Variants in IKZF2 observed in about 807,000 individuals in gnomAD.
IKZF2 encodes IKAROS family zinc finger 2.
A neutral mutation model predicts 49.2 loss-of-function variants in IKZF2; 15 were observed. The observed-to-expected ratio is 0.30, with a 90% confidence interval of 0.20 to 0.47. IKZF2 has a LOEUF of 0.47. Among genes scored for constraint, IKZF2 ranks in the 20% least tolerant of loss-of-function variants. The probability of loss-of-function intolerance (pLI) is 1.00; values close to 1 mark genes in which losing one functional copy is unlikely to be tolerated. For synonymous variants in IKZF2, 227 were observed against 221.4 expected (o/e 1.03, Z -0.23); for missense variants, 567 against 664.6 (o/e 0.85, Z 1.61).
At chr2:213,088,632 G>A (rs73077258) in intron 4 of IKZF2, among the ~76,000 whole-genome samples, 2,145 of 152,060 alleles carry the variant, frequency 0.014, 36 homozygotes, top group African/African-American at 0.045. Context: ...AGTGGTGGGC[G>A]GCTGTAATCA....
At chr2:213,049,386 T>A (rs1226922931) in intron 6 of IKZF2, among the ~76,000 whole-genome samples, 1 of 152,124 alleles carries the variant, frequency 6.6e-6, no homozygotes, top group African/African-American at 2.4e-5. Context: ...ATACTGGATC[T>A]TCACTTATCT....
chr2:213,054,222 C>T (rs568174064), intron 5 of IKZF2, among the ~76,000 whole-genome samples: 29 of 151,770 alleles, frequency 1.9e-4, no homozygotes, highest in African/African-American at 6.0e-4. Flanking sequence ...CCAGCCTGGG[C>T]GACAGAGCAA....
intron 5 of IKZF2, among the ~76,000 whole-genome samples, chr2:213,051,185 T>C (rs1482700476): frequency 1.3e-5 from 2 of 152,022 alleles, no homozygotes; most frequent in African/African-American, 4.8e-5. Context: ...CTAAGAGGTA[T>C]AAATAAGATA....
At chr2:213,145,255 C>G (rs968432579) in intron 4 of IKZF2, among the ~76,000 whole-genome samples, 1 of 151,636 alleles carries the variant, frequency 6.6e-6, no homozygotes, top group Non-Finnish European at 1.5e-5. Context: ...ATATTCCCAT[C>G]CTCTCCTTCC....
chr2:213,132,482 A>ATTC (rs1186330377), intron 4 of IKZF2, among the ~76,000 whole-genome samples: 7 of 152,002 alleles, frequency 4.6e-5, no homozygotes, highest in Admixed American at 2.0e-4. Context: ...TTTCTCCTTG[A>ATTC]TTCTACACAA....
chr2:213,105,400 T>C (rs939047340), intron 4 of IKZF2, among the ~76,000 whole-genome samples: 2 of 151,970 alleles, frequency 1.3e-5, no homozygotes, highest in Non-Finnish European at 1.5e-5. Flanking sequence ...AAGGGAGGAA[T>C]ACCATTAGAG....
intron 6 of IKZF2, among the ~76,000 whole-genome samples, chr2:213,038,844 T>C (rs1699319361): frequency 2.0e-5 from 3 of 152,114 alleles, no homozygotes; most frequent in Admixed American, 2.0e-4. Context: ...GATAATAAAT[T>C]CCTTAGTAAG....
chr2:213,023,001 C>T (rs1697389732), intron 6 of IKZF2, among the ~76,000 whole-genome samples: 1 of 152,128 alleles, frequency 6.6e-6, no homozygotes, highest in South Asian at 2.1e-4. Context: ...TGTTTTAATG[C>T]ATGACTCTTC....
chr2:213,061,010 C>T (rs1200075396), intron 4 of IKZF2, among the ~76,000 whole-genome samples: 1 of 151,370 alleles, frequency 6.6e-6, no homozygotes, highest in East Asian at 1.9e-4. Flanking sequence ...AAGCTTTTCC[C>T]CTCTTCTTCT....
chr2:213,076,786 C>T (rs1334734411), intron 4 of IKZF2, among the ~76,000 whole-genome samples: 1 of 152,168 alleles, frequency 6.6e-6, no homozygotes, highest in East Asian at 1.9e-4. Flanking sequence ...AAATGAAAGT[C>T]CAGCTACTCC....
chr2:213,008,478 C>T (rs561448039), intron 8 of IKZF2, among the ~76,000 whole-genome samples: 4 of 151,982 alleles, frequency 2.6e-5, no homozygotes, highest in Non-Finnish European at 5.9e-5. Flanking sequence ...GTGATCCACC[C>T]ACCTTGGCCT....
chr2:213,053,444 A>G (rs1216376038), intron 5 of IKZF2, among the ~76,000 whole-genome samples: 2 of 152,202 alleles, frequency 1.3e-5, no homozygotes, highest in Non-Finnish European at 2.9e-5. Context: ...TAAATATTCA[A>G]TTAAAATGCA....
At chr2:213,130,794 C>T (rs927217818) in intron 4 of IKZF2, among the ~76,000 whole-genome samples, 3 of 152,068 alleles carry the variant, frequency 2.0e-5, no homozygotes, top group African/African-American at 4.8e-5. Context: ...CAGAACCATA[C>T]GCCAAGCAAA....
intron 4 of IKZF2, among the ~76,000 whole-genome samples, chr2:213,126,982 T>A (rs114276097): frequency 6.6e-6 from 1 of 152,310 alleles, no homozygotes; most frequent in African/African-American, 2.4e-5. Flanking sequence ...CTGACTGAAT[T>A]GAAAGTTACT....
At chr2:213,077,580 C>CTTTT (rs58528665) in intron 4 of IKZF2, among the ~76,000 whole-genome samples, 12 of 59,476 alleles carry the variant, frequency 2.0e-4, no homozygotes, top group African/African-American at 3.3e-4. Context: ...ATTCTATGTA[C>CTTTT]TTTTTTTTTT....
At chr2:213,125,536 A>G (rs1189314777) in intron 4 of IKZF2, among the ~76,000 whole-genome samples, 1 of 152,246 alleles carries the variant, frequency 6.6e-6, no homozygotes, top group Admixed American at 6.5e-5. Flanking sequence ...ACATATTACT[A>G]GTTGTAGTGT....
At chr2:213,014,038 C>T in intron 7 of IKZF2, 104 bp from the exon 8 acceptor site, 1 of 1,065,682 alleles carries the variant, frequency 9.4e-7, no homozygotes, top group South Asian at 1.5e-5. Context: ...AGCTAGTATG[C>T]TTCAGTAGAA....
At chr2:213,076,177 A>G (rs181177822) in intron 4 of IKZF2, among the ~76,000 whole-genome samples, 3 of 152,326 alleles carry the variant, frequency 2.0e-5, no homozygotes, top group Admixed American at 2.0e-4. Flanking sequence ...ATGAAACCCC[A>G]TTACAAAACT....
intron 4 of IKZF2, among the ~76,000 whole-genome samples, chr2:213,125,542 A>G (rs2060230312): frequency 6.6e-6 from 1 of 152,338 alleles, no homozygotes; most frequent in South Asian, 2.1e-4. Flanking sequence ...TACTAGTTGT[A>G]GTGTAAATTG....
Sources: gnomAD v4.1 joint callset for allele counts (sites outside exome capture counted in the v4.1 genomes callset) on GRCh38, gnomAD v4.1.1 for gene constraint, MANE v1.5 for transcripts, NCBI Gene and HGNC (gene_info 2026-07-23, HGNC 2026-07-21) for gene names.